Variants in RBM47 observed in about 807,000 individuals in gnomAD.
RBM47 encodes the protein RNA binding motif protein 47, also known as RNA-binding protein 47.
Under a neutral mutation model 47.1 loss-of-function variants are expected in RBM47, and 21 were observed. The ratio of observed to expected loss-of-function variants is 0.45; its 90% CI spans 0.32 to 0.64. The LOEUF (loss-of-function observed/expected upper bound fraction) is 0.64, where lower values mean the gene tolerates loss of function less well. Among genes scored for constraint, RBM47 ranks in the 30% least tolerant of loss-of-function variants. The probability of loss-of-function intolerance (pLI) is 0.05; values close to 1 mark genes in which losing one functional copy is unlikely to be tolerated. For missense variants in RBM47, 708 were observed against 870.9 expected (o/e 0.81, Z 2.35); for synonymous variants, 375 against 361.7 (o/e 1.04, Z -0.42).
At position 40,451,477 on chromosome 4, in the gene RBM47, C is replaced by T. The variant is rs147591199; in HGVS notation, c.-31-12553G>A. Among the ~76,000 whole-genome samples, 488 of 152,308 alleles carry T rather than the reference C, an allele frequency of 3.2e-3. 6 individuals are homozygous for T. The highest frequency in any genetic ancestry group is 0.023 in the Admixed American group (353 of 15,292). On this transcript the variant is annotated intron_variant, in intron 3 of 6. Transcript: ENST00000295971. ...CTGTCTCATTTAAATTCCGACCCCG[C>T]TGCTACATGGACACATGAGAACTGC...
At chr4:40,604,372 C>T (rs1482515248) in intron 1 of RBM47, among the ~76,000 whole-genome samples, 1 of 152,190 alleles carries the variant, frequency 6.6e-6, no homozygotes, top group Non-Finnish European at 1.5e-5. Context: ...CACCTGTAAT[C>T]CCAACACTTT....
At chr4:40,620,773 A>T (rs1457687364) in intron 1 of RBM47, among the ~76,000 whole-genome samples, 2 of 152,188 alleles carry the variant, frequency 1.3e-5, no homozygotes, top group Non-Finnish European at 2.9e-5. Flanking sequence ...GGCTCAAGCA[A>T]TCCACCCACC....
intron 1 of RBM47, among the ~76,000 whole-genome samples, chr4:40,557,625 A>G (rs1730225833): frequency 6.6e-6 from 1 of 152,230 alleles, no homozygotes; most frequent in East Asian, 1.9e-4. Context: ...GGTGGGTGCC[A>G]GAAATCCCAG....
chr4:40,529,558 G>GC (rs1047494441), intron 2 of RBM47, among the ~76,000 whole-genome samples: 2 of 142,362 alleles, frequency 1.4e-5, no homozygotes, highest in Admixed American at 7.3e-5. Flanking sequence ...CTAAGGCGGG[G>GC]CATGGTGGCT....
intron 2 of RBM47, among the ~76,000 whole-genome samples, chr4:40,525,197 G>A (rs1302425392): frequency 6.6e-6 from 1 of 152,170 alleles, no homozygotes; most frequent in Non-Finnish European, 1.5e-5. Flanking sequence ...CAGCACTTTG[G>A]GAGGCCAAGG....
chr4:40,509,886 A>T (rs1481226837), intron 2 of RBM47, among the ~76,000 whole-genome samples: 1 of 147,716 alleles, frequency 6.8e-6, no homozygotes, highest in Admixed American at 6.7e-5. Flanking sequence ...CCGTCTCAAA[A>T]AAAAAAAGTA....
At chr4:40,613,290 T>C (rs574461612) in intron 1 of RBM47, among the ~76,000 whole-genome samples, 5 of 152,278 alleles carry the variant, frequency 3.3e-5, no homozygotes, top group Non-Finnish European at 5.9e-5. Flanking sequence ...AAGATTCTAC[T>C]AACAACTTTC....
upstream of RBM47, chr4:40,630,094 A>T (rs898942455): frequency 6.6e-6 from 1 of 152,196 alleles, no homozygotes; most frequent in African/African-American, 2.4e-5. Context: ...GTTGTTTTTT[A>T]GGAGCGCAGA....
intron 1 of RBM47, among the ~76,000 whole-genome samples, chr4:40,620,230 G>A (rs1189779312): frequency 1.1e-4 from 16 of 140,310 alleles, no homozygotes; most frequent in South Asian, 4.5e-4. Flanking sequence ...ACTCTGGGCC[G>A]GGCACAGTGG....
At chr4:40,468,252 A>C (rs1274009753) in intron 2 of RBM47, among the ~76,000 whole-genome samples, 1 of 152,158 alleles carries the variant, frequency 6.6e-6, no homozygotes, top group East Asian at 1.9e-4. Flanking sequence ...GTGCCACTGC[A>C]CTCCAGCCTG....
At chr4:40,621,878 C>T (rs1437126200) in intron 1 of RBM47, among the ~76,000 whole-genome samples, 4 of 152,190 alleles carry the variant, frequency 2.6e-5, no homozygotes, top group Non-Finnish European at 4.4e-5. Flanking sequence ...CTGCCTTGCA[C>T]GTTACTTAGT....
At chr4:40,554,541 A>T (rs1262298345) in intron 1 of RBM47, among the ~76,000 whole-genome samples, 1 of 151,966 alleles carries the variant, frequency 6.6e-6, no homozygotes, top group Non-Finnish European at 1.5e-5. Flanking sequence ...TGTTCTCAGC[A>T]CTTTATATAT....
chr4:40,436,357 C>T (rs1712402961), intron 5 of RBM47, 84 bp downstream of exon 5: 2 of 1,355,950 alleles, frequency 1.5e-6, no homozygotes. Flanking sequence ...GATGTGAGAG[C>T]CTGAAAAACG....
At chr4:40,596,442 G>A (rs867787289) in intron 1 of RBM47, among the ~76,000 whole-genome samples, 2 of 152,258 alleles carry the variant, frequency 1.3e-5, no homozygotes, top group Middle Eastern at 6.8e-3. Flanking sequence ...AGTGTAGTGT[G>A]TGTGCCTATG....
intron 1 of RBM47, among the ~76,000 whole-genome samples, chr4:40,608,242 A>G (rs1385445979): frequency 6.6e-6 from 1 of 152,124 alleles, no homozygotes. Flanking sequence ...TCAATATCAC[A>G]TGCCATGTTA....
intron 1 of RBM47, among the ~76,000 whole-genome samples, chr4:40,557,696 C>T (rs552304877): frequency 6.6e-6 from 1 of 152,078 alleles, no homozygotes; most frequent in Non-Finnish European, 1.5e-5. Context: ...TTGCAGTGAG[C>T]CAAGGTCGCA....
At chr4:40,539,585 C>A (rs1182117513) in intron 2 of RBM47, among the ~76,000 whole-genome samples, 2 of 151,372 alleles carry the variant, frequency 1.3e-5, no homozygotes, top group African/African-American at 4.9e-5. Context: ...ACTAAAAATA[C>A]AAAAATTAGC....
intron 2 of RBM47, among the ~76,000 whole-genome samples, chr4:40,510,205 A>AC (rs1269373377): frequency 6.6e-6 from 1 of 151,346 alleles, no homozygotes; most frequent in Non-Finnish European, 1.5e-5. Context: ...AAAAAAAAAA[A>AC]AAGTAAAGAA....
intron 1 of RBM47, among the ~76,000 whole-genome samples, chr4:40,548,846 A>C (rs1329574312): frequency 6.6e-6 from 1 of 151,636 alleles, no homozygotes; most frequent in Non-Finnish European, 1.5e-5. Context: ...TTGTATTTTT[A>C]GCCGAGACAG....
Sources: gnomAD v4.1 joint callset for allele counts (sites outside exome capture counted in the v4.1 genomes callset) on GRCh38, gnomAD v4.1.1 for gene constraint, MANE v1.5 for transcripts, NCBI Gene and HGNC (gene_info 2026-07-23, HGNC 2026-07-21) for gene names.